SLC24A3: variants seen among roughly 807,000 people sequenced by gnomAD.
SLC24A3 encodes sodium/potassium/calcium exchanger 3.
Under a neutral mutation model 75.8 loss-of-function variants are expected in SLC24A3, and 28 were observed. The observed-to-expected ratio is 0.37, with a 90% CI of 0.27 to 0.51. SLC24A3 has a LOEUF of 0.51. Ranked by LOEUF, SLC24A3 falls within the 20% of genes least tolerant of loss-of-function variation. The pLI, the probability that SLC24A3 is intolerant of heterozygous loss-of-function variation, is 0.94. For missense variants in SLC24A3, 663 were observed against 847.8 expected, an observed-to-expected ratio of 0.78 and a Z score of 2.71; for synonymous variants, 372 against 334.1, an observed-to-expected ratio of 1.11 and a Z score of -1.24.
chr20:19,621,720 G>T (rs2031806759), intron 6 of SLC24A3, among the ~76,000 whole-genome samples: 1 of 152,132 alleles, frequency 6.6e-6, no homozygotes, highest in African/African-American at 2.4e-5. Context: ...GCAGCTCCTG[G>T]GTTCTGCTGC....
In SLC24A3 at chr20:19,220,796, A is replaced by G. The variant is rs866395426; in HGVS notation, c.142+7812A>G. ...CCCACCTCCCAGAAATTCTATTGTCATGCTCCCAGTTGTGGCCTGGGCATT... is the reference window on the plus strand; with the variant it reads ...CCCACCTCCCAGAAATTCTATTGTCGTGCTCCCAGTTGTGGCCTGGGCATT... On this transcript the variant is annotated intron_variant, in intron 1 of 16. Coordinates refer to ENST00000328041, the MANE Select transcript of SLC24A3 (RefSeq NM_020689.4). Among the ~76,000 whole-genome samples the G allele has an allele frequency of 7.9e-5, 12 of 152,312 alleles. No homozygotes were observed. The South Asian group carries it at 1.0e-3, about 13-fold the overall frequency.
chr20:19,650,768 A>G lies in SLC24A3; in HGVS notation c.613-3294A>G, dbSNP rs79073819. 5.2e-3 allele frequency among the ~76,000 whole-genome samples: 788 copies of G among 152,292 alleles called. 8 individuals carry two copies. Among genetic ancestry groups the G allele is most frequent in the African/African-American group, 0.018 (737 of 41,558 alleles). Reference sequence around the variant, plus strand: ...TTGAGCCATTAATACACAATGGTTCATCTTCTTTGGAGCACAGTTCTGTGT... The same window carrying G: ...TTGAGCCATTAATACACAATGGTTCGTCTTCTTTGGAGCACAGTTCTGTGT... On this transcript the variant is annotated intron_variant, in intron 6 of 16. Transcript: ENST00000328041.
intron 2 of SLC24A3, among the ~76,000 whole-genome samples, chr20:19,415,632 C>T (rs1037906666): frequency 6.6e-6 from 1 of 150,996 alleles, no homozygotes; most frequent in African/African-American, 2.4e-5. Flanking sequence ...TCAGTTATAC[C>T]TCAATAAAGC....
intron 2 of SLC24A3, among the ~76,000 whole-genome samples, chr20:19,485,139 C>A (rs1988110934): frequency 6.6e-6 from 1 of 152,100 alleles, no homozygotes; most frequent in Non-Finnish European, 1.5e-5. Context: ...TTTAAATGTG[C>A]AGCACTTTTA....
At chr20:19,675,947 A>G (rs1411798394) in intron 9 of SLC24A3, among the ~76,000 whole-genome samples, 2 of 152,068 alleles carry the variant, frequency 1.3e-5, no homozygotes, top group Non-Finnish European at 2.9e-5. Flanking sequence ...CATCGTTTCA[A>G]TTTTTTAACA....
chr20:19,371,116 C>G (rs1298543898), intron 2 of SLC24A3, among the ~76,000 whole-genome samples: 2 of 152,150 alleles, frequency 1.3e-5, no homozygotes, highest in African/African-American at 4.8e-5. Context: ...GACAGGAGCT[C>G]TGGGGGCAAC....
At chr20:19,705,643 C>G (rs771469441) in intron 15 of SLC24A3, among the ~76,000 whole-genome samples, 24 of 152,112 alleles carry the variant, frequency 1.6e-4, no homozygotes, top group Non-Finnish European at 2.9e-4. Flanking sequence ...CAGAACCGAG[C>G]AGCTACTGTG....
intron 2 of SLC24A3, among the ~76,000 whole-genome samples, chr20:19,309,550 G>T (rs956602523): frequency 1.9e-4 from 28 of 145,716 alleles, no homozygotes; most frequent in African/African-American, 7.8e-4. Context: ...AGCTCCCCAG[G>T]TGGTACCTAT....
At chr20:19,214,195 A>G (rs775624173) in intron 1 of SLC24A3, among the ~76,000 whole-genome samples, 3 of 152,122 alleles carry the variant, frequency 2.0e-5, no homozygotes, top group Non-Finnish European at 4.4e-5. Context: ...AGACTTCATC[A>G]TTTATGGTAA....
rs752308171 is a variant in SLC24A3 at position 19,403,655 on chromosome 20, GA to G, written c.272-111830del. 2.6e-5 allele frequency among the ~76,000 whole-genome samples: 4 copies of G among 152,296 alleles called. No individual in the cohort carries two copies. In the East Asian group the frequency reaches 7.7e-4, roughly 29 times the overall value. On this transcript the variant is annotated intron_variant, in intron 2 of 16. Transcript: ENST00000328041. ...AGGCAGCAGGGATGGCTCTTCTGGG[GA>G]AATAGCATTTAAGTAGGAGTTAGTC...
At chr20:19,534,632 C>T (rs548078261) in intron 3 of SLC24A3, among the ~76,000 whole-genome samples, 132 of 152,294 alleles carry the variant, frequency 8.7e-4, no homozygotes, top group African/African-American at 3.0e-3. Flanking sequence ...AGGCTGGTCT[C>T]AAGCTCCTGA....
At chr20:19,628,068 G>T (rs1412743890) in intron 6 of SLC24A3, among the ~76,000 whole-genome samples, 1 of 151,360 alleles carries the variant, frequency 6.6e-6, no homozygotes, top group African/African-American at 2.4e-5. Flanking sequence ...GCCAGGCATG[G>T]TGGGGCACGC....
chr20:19,250,653 A>C (rs1255663071), intron 1 of SLC24A3, among the ~76,000 whole-genome samples: 2 of 152,194 alleles, frequency 1.3e-5, no homozygotes, highest in Non-Finnish European at 2.9e-5. Context: ...GCTTTTTAAA[A>C]ATTTTTTAAT....
chr20:19,456,320 C>T (rs1355402158), intron 2 of SLC24A3, among the ~76,000 whole-genome samples: 1 of 152,116 alleles, frequency 6.6e-6, no homozygotes. Context: ...GTGGGAGGGA[C>T]CTGGGGAGAG....
intron 1 of SLC24A3, 102 bp from the exon 2 acceptor site, chr20:19,280,857 G>T: frequency 6.7e-7 from 1 of 1,484,686 alleles, no homozygotes; most frequent in Non-Finnish European, 9.1e-7. Context: ...GTGCAGGCGG[G>T]GCTGAACAAG....
At chr20:19,683,041 A>C (rs771176417) in intron 10 of SLC24A3, among the ~76,000 whole-genome samples, 2 of 152,214 alleles carry the variant, frequency 1.3e-5, no homozygotes, top group African/African-American at 2.4e-5. Flanking sequence ...AGGAAGAAAA[A>C]AAAAGAAATT....
chr20:19,394,905 A>C (rs1032912962), intron 2 of SLC24A3, among the ~76,000 whole-genome samples: 1 of 152,186 alleles, frequency 6.6e-6, no homozygotes, highest in East Asian at 1.9e-4. Flanking sequence ...ACTCAAACAG[A>C]TATCTGTACC....
intron 15 of SLC24A3, among the ~76,000 whole-genome samples, chr20:19,706,581 T>C (rs2122158900): frequency 6.6e-6 from 1 of 152,150 alleles, no homozygotes; most frequent in Middle Eastern, 3.4e-3. Flanking sequence ...CAAGGGCTGC[T>C]TCTGTGGCTG....
chr20:19,382,429 G>C (rs908235630), intron 2 of SLC24A3, among the ~76,000 whole-genome samples: 1 of 152,166 alleles, frequency 6.6e-6, no homozygotes, highest in Non-Finnish European at 1.5e-5. Flanking sequence ...ATACTCATGA[G>C]AATCATAGTG....
Sources: gnomAD v4.1 joint callset for allele counts (sites outside exome capture counted in the v4.1 genomes callset) on GRCh38, gnomAD v4.1.1 for gene constraint, MANE v1.5 for transcripts, NCBI Gene and HGNC (gene_info 2026-07-23, HGNC 2026-07-21) for gene names.